Variants in SLC36A2 observed in about 807,000 individuals in gnomAD.
SLC36A2 encodes the protein solute carrier family 36 member 2, also known as proton-coupled amino acid transporter 2.
A neutral mutation model predicts 42.7 loss-of-function variants in SLC36A2; 39 were observed. The observed-to-expected ratio is 0.91, with a 90% CI of 0.71 to 1.19. The LOEUF (loss-of-function observed/expected upper bound fraction) is 1.19. SLC36A2 is among the 50% of genes most tolerant of loss of function. The probability of loss-of-function intolerance (pLI) is 0.00; values close to 1 mark genes in which losing one functional copy is unlikely to be tolerated. For synonymous variants in SLC36A2, 237 were observed against 240.8 expected, an observed-to-expected ratio of 0.98 and a Z score of 0.15; for missense variants, 590 against 613.7, an observed-to-expected ratio of 0.96 and a Z score of 0.41.
intron 7 of SLC36A2, among the ~76,000 whole-genome samples, chr5:151,331,008 T>C (rs1215126709): frequency 6.6e-6 from 1 of 152,200 alleles, no homozygotes; most frequent in African/African-American, 2.4e-5. Flanking sequence ...ACCAATGGAA[T>C]AGAATTGAGA....
intron 7 of SLC36A2, among the ~76,000 whole-genome samples, chr5:151,330,993 T>C (rs1755980624): frequency 6.6e-6 from 1 of 152,206 alleles, no homozygotes; most frequent in South Asian, 2.1e-4. Flanking sequence ...CTTATGATCT[T>C]ATAGACCAAT....
At chr5:151,325,638 A>G (rs1195201129) in intron 7 of SLC36A2, among the ~76,000 whole-genome samples, 186 bp from the exon 8 acceptor site, 4 of 152,234 alleles carry the variant, frequency 2.6e-5, no homozygotes, top group Admixed American at 2.6e-4. Flanking sequence ...GGGTCTAGCA[A>G]CAGAAAATGG....
chr5:151,334,509 C>T (rs1319931668), intron 6 of SLC36A2, among the ~76,000 whole-genome samples: 5 of 151,854 alleles, frequency 3.3e-5, no homozygotes, highest in African/African-American at 7.3e-5. Context: ...TGGCCAACAT[C>T]GTGAAACTCC....
chr5:151,333,730 T>A (rs1813116), intron 6 of SLC36A2, among the ~76,000 whole-genome samples: 1 of 151,454 alleles, frequency 6.6e-6, no homozygotes, highest in Non-Finnish European at 1.5e-5. Flanking sequence ...GGCGTGGTGG[T>A]GGGCGCCTGT....
Position 151,343,585 on chromosome 5 carries a change from C to CT in SLC36A2, c.268dup (p.Ser90LysfsTer25), listed in dbSNP as rs1756409557. 1 of 1,614,138 alleles carries CT rather than the reference C, an allele frequency of 6.2e-7. No individual in the cohort carries two copies. The highest frequency in any genetic ancestry group is 1.1e-5 in the South Asian group (1 of 91,084). On this transcript the variant is annotated frameshift_variant, in exon 3 of 10. Coordinates refer to ENST00000335244, the MANE Select transcript of SLC36A2 (RefSeq NM_181776.3). LOFTEE classifies it high-confidence loss of function. The stretch of plus-strand genomic sequence containing the variant: ...GGCAATGAAGCCCATCACCAGCAGA[C>CT]TGAGTGGGCCCATCTGGAGGAAGGG...
intron 9 of SLC36A2, among the ~76,000 whole-genome samples, chr5:151,318,190 A>C (rs1230952900): frequency 6.6e-6 from 1 of 152,132 alleles, no homozygotes; most frequent in African/African-American, 2.4e-5. Context: ...TTTTTAGCTT[A>C]AAATAATCTT....
intron 7 of SLC36A2, among the ~76,000 whole-genome samples, chr5:151,325,854 T>C (rs1755838417): frequency 6.6e-6 from 1 of 152,140 alleles, no homozygotes; most frequent in African/African-American, 2.4e-5. Flanking sequence ...AGAATGCTAG[T>C]TGGGAAGGAC....
intron 9 of SLC36A2, 146 bp downstream of exon 9, chr5:151,321,900 A>G: frequency 2.1e-6 from 2 of 956,730 alleles, no homozygotes; most frequent in South Asian, 2.8e-5. Flanking sequence ...CTTGTCTGAA[A>G]CTCCTGACCT....
At chr5:151,329,648 A>C (rs1031095832) in intron 7 of SLC36A2, among the ~76,000 whole-genome samples, 3 of 150,456 alleles carry the variant, frequency 2.0e-5, no homozygotes, top group Non-Finnish European at 4.4e-5. Flanking sequence ...GAAAATAAGA[A>C]AAATTTAAAT....
Position 151,317,051 on chromosome 5 carries a change from G to A in SLC36A2, c.1218C>T (p.Val406=). ...CACTCACGGAGCCCACCAGGGAGAT[G>A]ACCAGGTCCAGGCGGGGGATGAGGA... is the stretch of plus-strand genomic sequence containing the variant. ...LAILIPRLDL[V]ISLVGSVSGT... is the part of the protein sequence containing the mutation. The change falls in exon 10 of 10, where the codon GTC becomes GTT. Residue 406 remains valine (V), a synonymous_variant. Coordinates refer to ENST00000335244, the MANE Select transcript of SLC36A2 (RefSeq NM_181776.3). 1 of 1,614,172 alleles carries A rather than the reference G, an allele frequency of 6.2e-7. No individual in the cohort carries two copies. The highest frequency in any genetic ancestry group is 1.1e-5 in the South Asian group (1 of 91,086).
rs1366924154 is a variant in SLC36A2, at chr5:151,339,082, A to C, written c.503T>G (p.Phe168Cys). The change falls in exon 5 of 10, where the codon TTT becomes TGT. Residue 168 changes from phenylalanine to cysteine, a missense_variant. Coordinates refer to ENST00000335244, the MANE Select transcript of SLC36A2 (RefSeq NM_181776.3). ...TACCTGTTTTAAATTATCAGCCAAA[A>C]ACACAATGTACACACAGCAGAAGCC... is the stretch of plus-strand genomic sequence containing the variant. Reference protein sequence around the residue: ...QLGFCCVYIVFLADNLKQVVE... With the variant: ...QLGFCCVYIVCLADNLKQVVE... The C allele has an allele frequency of 6.2e-7, 1 of 1,610,704 alleles. No individual in the cohort carries two copies. Among genetic ancestry groups the C allele is most frequent in the South Asian group, 1.1e-5 (1 of 91,026 alleles).
At chr5:151,344,904 G>A (rs1223334773) in intron 1 of SLC36A2, among the ~76,000 whole-genome samples, 1 of 152,092 alleles carries the variant, frequency 6.6e-6, no homozygotes, top group Non-Finnish European at 1.5e-5. Context: ...TAAACAGGTC[G>A]GATGACTGGG....
chr5:151,340,162 G>A (rs1756286713), intron 4 of SLC36A2, among the ~76,000 whole-genome samples: 1 of 71,080 alleles, frequency 1.4e-5, no homozygotes, highest in Non-Finnish European at 2.2e-5. Flanking sequence ...GGAGGAGGAA[G>A]AAGAGGAAGG....
intron 7 of SLC36A2, among the ~76,000 whole-genome samples, chr5:151,332,188 A>G (rs570961520): frequency 2.6e-4 from 39 of 152,248 alleles, no homozygotes; most frequent in African/African-American, 8.7e-4. Context: ...TTAAGAGGAA[A>G]AAATTTAAAA....
intron 5 of SLC36A2, among the ~76,000 whole-genome samples, chr5:151,338,066 G>A (rs1026999536): frequency 6.6e-6 from 1 of 152,122 alleles, no homozygotes; most frequent in Admixed American, 6.6e-5. Flanking sequence ...AATAACCACA[G>A]TACCTGCTCT....
intron 7 of SLC36A2, among the ~76,000 whole-genome samples, chr5:151,332,748 T>A (rs889703834): frequency 5.3e-5 from 8 of 152,208 alleles, no homozygotes; most frequent in Admixed American, 1.3e-4. Context: ...TCTTGAAACT[T>A]ACAGGAATGT....
intron 7 of SLC36A2, among the ~76,000 whole-genome samples, chr5:151,327,470 C>G (rs1293083138): frequency 6.6e-6 from 1 of 152,188 alleles, no homozygotes; most frequent in Non-Finnish European, 1.5e-5. Context: ...AACTTCCAGC[C>G]CTGAAACTCC....
chr5:151,331,915 G>C lies in SLC36A2; in HGVS notation c.843+1309C>G, dbSNP rs191943025. On this transcript the variant is annotated intron_variant, in intron 7 of 9. Transcript: ENST00000335244. ...AGAGTCTTGCTCTGTCACCCAGGCTGGAGTGCAGTGGCGCCATCTTAGCTC... is the reference window on the plus strand; with the variant it reads ...AGAGTCTTGCTCTGTCACCCAGGCTCGAGTGCAGTGGCGCCATCTTAGCTC... Among the ~76,000 whole-genome samples, 22 of 152,150 alleles carry C rather than the reference G, an allele frequency of 1.4e-4. 1 individual carries two copies. The East Asian group carries it at 3.9e-3, about 27-fold the overall frequency.
chr5:151,337,030 C>CATAAATGAAT (rs1756178894), intron 5 of SLC36A2, among the ~76,000 whole-genome samples: 1 of 152,262 alleles, frequency 6.6e-6, no homozygotes, highest in East Asian at 1.9e-4. Context: ...CTTAACAATA[C>CATAAATGAAT]ACTGTGGATA....
Sources: allele counts gnomAD v4.1 joint callset (sites outside exome capture counted in the v4.1 genomes callset), GRCh38; gene constraint gnomAD v4.1.1; transcripts MANE v1.5; gene names NCBI Gene and HGNC (gene_info 2026-07-23, HGNC 2026-07-21).